The following BLTP1 variants were observed in gnomAD, a reference collection of about 807,000 sequenced individuals.
The protein encoded by BLTP1 is fragile site-associated protein.
At chr4:122,334,167 CT>C in the BLTP1 span, 1 of 223,882 alleles carries the variant, frequency 4.5e-6, no homozygotes, top group Non-Finnish European at 7.5e-6. Flanking sequence ...CTGAAATGAC[CT>C]TTTTATTTTA....
At chr4:122,341,844 T>C in the BLTP1 span, 2 of 984,592 alleles carry the variant, frequency 2.0e-6, no homozygotes, top group Non-Finnish European at 2.4e-6. Context: ...AAGTTTATTT[T>C]AAATGGAAAC....
chr4:122,322,706 C>T, the BLTP1 span, among the ~76,000 whole-genome samples: 1 of 152,208 alleles, frequency 6.6e-6, no homozygotes, highest in East Asian at 1.9e-4. Context: ...TGCCTCTGAA[C>T]TGTGAACTTC....
chr4:122,345,970 AAAGAAGGAAATGTC>A, the BLTP1 span: 1 of 969,346 alleles, frequency 1.0e-6, no homozygotes, highest in Non-Finnish European at 1.2e-6. Context: ...CTTAGAAAAT[AAAGAAGGAAATGTC>A]TATAGGACAT....
At chr4:122,182,915 A>G in the BLTP1 span, 1 of 984,758 alleles carries the variant, frequency 1.0e-6, no homozygotes, top group Non-Finnish European at 1.2e-6. Context: ...ATCAAAAACC[A>G]CCTCTTTCTT....
At chr4:122,173,455 T>G in the BLTP1 span, among the ~76,000 whole-genome samples, 2 of 152,188 alleles carry the variant, frequency 1.3e-5, no homozygotes, top group Non-Finnish European at 2.9e-5. Flanking sequence ...CCCAACATCA[T>G]GGCCTCATTT....
At chr4:122,272,576 A>G in the BLTP1 span, among the ~76,000 whole-genome samples, 1 of 152,110 alleles carries the variant, frequency 6.6e-6, no homozygotes, top group Non-Finnish European at 1.5e-5. Context: ...GTAATTGAGT[A>G]TCAGTGAATT....
At chr4:122,257,443 T>TG in the BLTP1 span, 2 of 1,613,978 alleles carry the variant, frequency 1.2e-6, no homozygotes, top group Non-Finnish European at 1.7e-6. Context: ...ACAATGGGGG[T>TG]GGTCTTCAAA....
chr4:122,266,729 T>C, the BLTP1 span: 446 of 1,434,144 alleles, frequency 3.1e-4, 1 homozygote, highest in Non-Finnish European at 4.0e-4. Flanking sequence ...ATGTAATTTC[T>C]ACAGTAAATG....
chr4:122,255,038 T>C, the BLTP1 span: 12 of 1,497,796 alleles, frequency 8.0e-6, no homozygotes, highest in African/African-American at 1.3e-4. Context: ...TTGGAAAATA[T>C]CAGATTTACA....
chr4:122,235,030 A>G, the BLTP1 span: 2 of 1,593,698 alleles, frequency 1.3e-6, no homozygotes, highest in Non-Finnish European at 8.6e-7. Context: ...GATGGTAATA[A>G]AATGTTTCGT....
chr4:122,217,361 T>A, the BLTP1 span, among the ~76,000 whole-genome samples: 1 of 152,048 alleles, frequency 6.6e-6, no homozygotes, highest in South Asian at 2.1e-4. Context: ...CCATATGAAT[T>A]TTAGGATTTT....
chr4:122,309,471 A>G, the BLTP1 span: 7 of 1,611,248 alleles, frequency 4.3e-6, no homozygotes, highest in Middle Eastern at 5.0e-4. Context: ...GCCTGTGAGT[A>G]TCTTTTATTT....
At chr4:122,258,733 G>C in the BLTP1 span, 1 of 1,613,872 alleles carries the variant, frequency 6.2e-7, no homozygotes, top group Non-Finnish European at 8.5e-7. Flanking sequence ...GCTATTAGAA[G>C]GAACAGCTAA....
At chr4:122,218,166 C>G in the BLTP1 span, among the ~76,000 whole-genome samples, 4,500 of 151,936 alleles carry the variant, frequency 0.03, 225 homozygotes, top group African/African-American at 0.1. Flanking sequence ...AAGAACCAGC[C>G]TTTTGTTTTA....
At chr4:122,239,816 G>T in the BLTP1 span, 1 of 1,614,150 alleles carries the variant, frequency 6.2e-7, no homozygotes, top group African/African-American at 1.3e-5. Flanking sequence ...CATTTCATCA[G>T]TATCGATCAA....
the BLTP1 span, chr4:122,257,413 T>C: frequency 1.2e-6 from 2 of 1,614,052 alleles, no homozygotes; most frequent in South Asian, 1.1e-5. Flanking sequence ...ACCATGAACA[T>C]GAAGATGGAC....
chr4:122,180,045 T>TACACAC, the BLTP1 span: 30,826 of 920,076 alleles, frequency 0.034, 264 homozygotes, highest in Middle Eastern at 0.038. Context: ...CACACACACA[T>TACACAC]ACACACACAC....
At chr4:122,327,493 A>G in the BLTP1 span, among the ~76,000 whole-genome samples, 2 of 151,636 alleles carry the variant, frequency 1.3e-5, no homozygotes, top group African/African-American at 2.4e-5. Flanking sequence ...GTAGGTGTTT[A>G]CAGAGAGCCG....
chr4:122,360,952 TAAGA>T, the BLTP1 span, among the ~76,000 whole-genome samples: 1 of 152,218 alleles, frequency 6.6e-6, no homozygotes, highest in Non-Finnish European at 1.5e-5. Context: ...GAGCGTGGTT[TAAGA>T]GCTCTGGCTG....
Sources: allele counts gnomAD v4.1 joint callset (sites outside exome capture counted in the v4.1 genomes callset), GRCh38; gene constraint gnomAD v4.1.1; transcripts MANE v1.5; gene names NCBI Gene and HGNC (gene_info 2026-07-23, HGNC 2026-07-21).